Variants in HSP90AA1 observed in about 807,000 individuals in gnomAD.
HSP90AA1 encodes the protein heat shock protein HSP 90-alpha.
HSP90AA1 carries 18 observed loss-of-function variants against 73.3 expected under a neutral mutation model. That is an observed-to-expected ratio of 0.25 (90% CI 0.17 to 0.36). The LOEUF is 0.36. Ranked by LOEUF, HSP90AA1 falls within the 10% of genes least tolerant of loss-of-function variation. HSP90AA1 has a pLI of 1.00. For synonymous variants in HSP90AA1, 477 were observed against 296.9 expected, an observed-to-expected ratio of 1.61 and a Z score of -6.24; for missense variants, 704 against 874.2, an observed-to-expected ratio of 0.81 and a Z score of 2.45.
chr14:102,086,943 G>T, intron 1 of HSP90AA1, 43 bp downstream of exon 1: 2 of 953,668 alleles, frequency 2.1e-6, no homozygotes, highest in Non-Finnish European at 2.5e-6. Flanking sequence ...CCCCAGTCCC[G>T]GTCCCCAGTC....
chr14:102,082,483 T>A, intron 9 of HSP90AA1, 39 bp from the exon 10 acceptor site: 1 of 1,502,010 alleles, frequency 6.7e-7, no homozygotes, highest in Non-Finnish European at 9.2e-7. Flanking sequence ...CTAGAAAGAT[T>A]AATTCCTAAA....
At chr14:102,136,626 G>A (rs1335490645) in intron 1 of HSP90AA1, among the ~76,000 whole-genome samples, 1 of 146,522 alleles carries the variant, frequency 6.8e-6, no homozygotes, top group Non-Finnish European at 1.5e-5. Flanking sequence ...GGTGGCTCAC[G>A]CCTATAATCC....
At chr14:102,088,081 G>A (rs2049293229), upstream of HSP90AA1, among the ~76,000 whole-genome samples, 1 of 151,664 alleles carries the variant, frequency 6.6e-6, no homozygotes, top group Admixed American at 6.6e-5. Flanking sequence ...CCCAGTAGCT[G>A]GGACGAGCGT....
At chr14:102,139,138 C>G in intron 1 of HSP90AA1, 1 of 1,309,302 alleles carries the variant, frequency 7.6e-7, no homozygotes, top group Non-Finnish European at 1.1e-6. Flanking sequence ...TCATCACACG[C>G]AGGAATTAGG....
At chr14:102,107,432 AT>A (rs1316837552) in intron 1 of HSP90AA1, among the ~76,000 whole-genome samples, 3 of 151,776 alleles carry the variant, frequency 2.0e-5, no homozygotes, top group African/African-American at 7.3e-5. Flanking sequence ...TCAAGCAATT[AT>A]CCTGCCTCAG....
intron 1 of HSP90AA1, among the ~76,000 whole-genome samples, chr14:102,120,479 G>A (rs928296935): frequency 1.4e-4 from 22 of 151,732 alleles, no homozygotes; most frequent in African/African-American, 5.3e-4. Context: ...TATATATTTT[G>A]TCTTTTGAAC....
chr14:102,125,696 A>G (rs2049831554), intron 1 of HSP90AA1, among the ~76,000 whole-genome samples: 1 of 152,214 alleles, frequency 6.6e-6, no homozygotes, highest in African/African-American at 2.4e-5. Context: ...GCATGAGCAT[A>G]TTTTTAAGTC....
intron 8 of HSP90AA1, 83 bp downstream of exon 8, chr14:102,083,463 T>C: frequency 6.9e-7 from 1 of 1,449,108 alleles, no homozygotes; most frequent in Non-Finnish European, 9.7e-7. Flanking sequence ...GTTGTAACAG[T>C]GCTACCTGAG....
At chr14:102,136,914 A>AG (rs1453733641) in intron 1 of HSP90AA1, among the ~76,000 whole-genome samples, 1 of 147,156 alleles carries the variant, frequency 6.8e-6, no homozygotes, top group African/African-American at 2.5e-5. Flanking sequence ...ACAAAAAAAA[A>AG]AGAAATACCT....
chr14:102,086,711 A>ACCCCCGCGGCGGGGCC (rs1355633957), intron 1 of HSP90AA1, among the ~76,000 whole-genome samples: 1 of 150,130 alleles, frequency 6.7e-6, no homozygotes, highest in African/African-American at 2.4e-5. Context: ...CGGGCGGGGG[A>ACCCCCGCGGCGGGGCC]CCCCCGCGGC....
At position 102,139,249 on chromosome 14, in the gene HSP90AA1, C is replaced by A; in HGVS notation, c.155+1G>T. The A allele has an allele frequency of 6.2e-7, 1 of 1,614,140 alleles. No homozygotes were observed. The highest frequency in any genetic ancestry group is 1.7e-5 in the Admixed American group (1 of 60,032). ...AGCGTAAATCTTGAGTCCCTTGGTA[C>A]CTTCTCAGAAACGGCGGCGAGGAGG... On this transcript the variant is annotated splice_donor_variant, in intron 1 of 11. Coordinates refer to the HSP90AA1 transcript ENST00000334701. LOFTEE classifies it high-confidence loss of function.
At chr14:102,139,741 T>C, upstream of HSP90AA1, 1 of 908,630 alleles carries the variant, frequency 1.1e-6, no homozygotes, top group Non-Finnish European at 1.6e-6. Context: ...TGAGCACGCC[T>C]GCGCAGTCGG....
At chr14:102,089,700 C>T (rs1027959302), upstream of HSP90AA1, among the ~76,000 whole-genome samples, 2 of 152,108 alleles carry the variant, frequency 1.3e-5, no homozygotes, top group Admixed American at 6.5e-5. Context: ...GAGCTTCCCC[C>T]CTGTCTCCAG....
At chr14:102,095,150 A>G (rs111838764) in intron 2 of HSP90AA1, among the ~76,000 whole-genome samples, 1 of 152,176 alleles carries the variant, frequency 6.6e-6, no homozygotes, top group Non-Finnish European at 1.5e-5. Context: ...ATGAGCAGGA[A>G]TGTGGTAGAA....
intron 2 of HSP90AA1, among the ~76,000 whole-genome samples, chr14:102,098,453 C>A (rs942561032): frequency 7.1e-6 from 1 of 140,344 alleles, no homozygotes; most frequent in Non-Finnish European, 1.5e-5. Context: ...AGCCACTGCA[C>A]CTGGCCTTTT....
upstream of HSP90AA1, among the ~76,000 whole-genome samples, chr14:102,088,988 C>G (rs905332215): frequency 4.2e-4 from 61 of 143,592 alleles, no homozygotes; most frequent in Non-Finnish European, 8.8e-5. Flanking sequence ...CTCACTGCAA[C>G]CTGCTCACTG....
rs760467793 is a variant in HSP90AA1, at chr14:102,086,334, C to CTCCCA, written c.44_45insTGGGA (p.Glu15AspfsTer17). On this transcript the variant is annotated frameshift_variant, in exon 2 of 11. Coordinates refer to ENST00000216281, the MANE Select transcript of HSP90AA1 (RefSeq NM_005348.4). LOFTEE classifies it high-confidence loss of function. ...CCTGAAAGGCGAACGTCTCAACCTCCTCCTCCTCCATCGGTTGGTCTTGGG... is the reference window on the plus strand; with the variant it reads ...CCTGAAAGGCGAACGTCTCAACCTCCTCCCATCCTCCTCCATCGGTTGGTCTTGGG... 1 of 1,614,196 alleles carries CTCCCA rather than the reference C, an allele frequency of 6.2e-7. No homozygotes were observed. Among genetic ancestry groups the CTCCCA allele is most frequent in the African/African-American group, 1.3e-5 (1 of 75,056 alleles).
In HSP90AA1 at chr14:102,083,261, G is replaced by A. The variant is rs1003350795; in HGVS notation, c.1528C>T (p.Arg510Cys). The A allele has an allele frequency of 6.8e-6, 11 of 1,613,974 alleles. No individual in the cohort carries two copies. Among genetic ancestry groups the A allele is most frequent in the African/African-American group, 1.3e-5 (1 of 74,924 alleles). The change falls in exon 9 of 11, where the codon CGT (arginine) becomes TGT (cysteine). Residue 510 changes from arginine (R) to cysteine (C), a missense_variant. By Grantham distance (180) the Arg-to-Cys change is radical. Transcript: ENST00000216281. ...ACTTCTAAGCCATGTTTCCGAAGAC[G>A]TTCCACAAAGGCTGAGTTAGCTACC... is the stretch of plus-strand genomic sequence containing the variant. Reference protein sequence around the residue: ...DQVANSAFVERLRKHGLEVIY... With the variant: ...DQVANSAFVECLRKHGLEVIY...
rs79735799 is a variant in HSP90AA1, at chr14:102,094,588, C to T, written c.366+7287G>A. On this transcript the variant is annotated intron_variant, in intron 2 of 11. Coordinates refer to the HSP90AA1 transcript ENST00000334701. ...AGTTTGCAAGAGCCCTGAGGGTCTG[C>T]GGTGAAATATAGAAGGAATACTAGG... Among the ~76,000 whole-genome samples the T allele has an allele frequency of 4.2e-3, 642 of 152,022 alleles. 10 individuals carry two copies. In the East Asian group the frequency reaches 0.048, roughly 11 times the overall value.
Sources: gnomAD v4.1 joint callset for allele counts (sites outside exome capture counted in the v4.1 genomes callset) on GRCh38, gnomAD v4.1.1 for gene constraint, MANE v1.5 for transcripts, NCBI Gene and HGNC (gene_info 2026-07-23, HGNC 2026-07-21) for gene names.